MACROD2: variants seen among roughly 807,000 people sequenced by gnomAD.
MACROD2 encodes ADP-ribose glycohydrolase MACROD2.
MACROD2 carries 36 observed loss-of-function variants against 70.4 expected under a neutral mutation model. The observed-to-expected ratio is 0.51, with a 90% CI of 0.39 to 0.68. The LOEUF (loss-of-function observed/expected upper bound fraction) is 0.68. MACROD2 is among the 30% of genes least tolerant of loss of function. MACROD2 has a pLI of 0.00. For synonymous variants in MACROD2, 172 were observed against 178.8 expected, an observed-to-expected ratio of 0.96 and a Z score of 0.30; for missense variants, 496 against 538.4, an observed-to-expected ratio of 0.92 and a Z score of 0.78.
chr20:14,574,996 C>A, intron 4 of MACROD2, among the ~76,000 whole-genome samples: 1 of 115,708 alleles, frequency 8.6e-6, no homozygotes, highest in Non-Finnish European at 1.6e-5. Flanking sequence ...CCGGCCTGGG[C>A]GACAGAGCGA....
chr20:15,972,979 A>G (rs2066253535), intron 13 of MACROD2, among the ~76,000 whole-genome samples: 1 of 152,082 alleles, frequency 6.6e-6, no homozygotes, highest in African/African-American at 2.4e-5. Flanking sequence ...AAGCAGGAAA[A>G]AAATTAACAT....
chr20:14,228,386 G>A (rs1249288225), intron 3 of MACROD2, among the ~76,000 whole-genome samples: 1 of 148,226 alleles, frequency 6.7e-6, no homozygotes, highest in Non-Finnish European at 1.5e-5. Context: ...CACCCAGGCT[G>A]GAGTGCAGTG....
chr20:15,134,624 C>T (rs2076132486), intron 5 of MACROD2, among the ~76,000 whole-genome samples: 2 of 151,822 alleles, frequency 1.3e-5, no homozygotes, highest in South Asian at 4.2e-4. Flanking sequence ...AGGAAAGATC[C>T]AAAATTAACA....
intron 8 of MACROD2, among the ~76,000 whole-genome samples, chr20:15,776,972 C>T (rs1331803702): frequency 2.6e-5 from 4 of 152,052 alleles, no homozygotes; most frequent in Non-Finnish European, 5.9e-5. Context: ...GGAAAAGAAG[C>T]CTCTTTAGTA....
At chr20:15,409,630 A>T (rs1440429532) in intron 6 of MACROD2, among the ~76,000 whole-genome samples, 1 of 152,178 alleles carries the variant, frequency 6.6e-6, no homozygotes, top group Non-Finnish European at 1.5e-5. Context: ...GGATGCACTG[A>T]TAGGAAAATG....
intron 4 of MACROD2, among the ~76,000 whole-genome samples, chr20:14,536,148 C>G (rs2423806): frequency 0.84 from 127,209 of 152,126 alleles, 53,381 homozygotes; most frequent in African/African-American, 0.89. Context: ...GAACTTTCCC[C>G]TGATACCCAA....
intron 4 of MACROD2, among the ~76,000 whole-genome samples, chr20:14,648,755 G>C (rs1034678546): frequency 6.6e-6 from 1 of 151,602 alleles, no homozygotes; most frequent in African/African-American, 2.4e-5. Context: ...TATTCAGTTG[G>C]GTCTTATTAA....
At chr20:15,983,992 G>C (rs2066439543) in intron 13 of MACROD2, among the ~76,000 whole-genome samples, 1 of 152,014 alleles carries the variant, frequency 6.6e-6, no homozygotes, top group Non-Finnish European at 1.5e-5. Context: ...GATTTTTATA[G>C]TAGATAAGTT....
Position 15,006,762 on chromosome 20 carries a change from T to C in MACROD2, c.419-223178T>C, listed in dbSNP as rs1341962071. Among the ~76,000 whole-genome samples the C allele has an allele frequency of 3.9e-5, 6 of 152,236 alleles. No individual in the cohort carries two copies. In the East Asian group the frequency reaches 9.7e-4, roughly 25 times the overall value. Reference sequence around the variant, plus strand: ...AGAGGAGCGGGTCTTCCATTCTTCCTGTACAATGTCTGCTGTTGGGTCACT... The same window carrying C: ...AGAGGAGCGGGTCTTCCATTCTTCCCGTACAATGTCTGCTGTTGGGTCACT... On this transcript the variant is annotated intron_variant, in intron 5 of 17. Transcript: ENST00000684519.
chr20:14,605,160 T>A (rs1162409038), intron 4 of MACROD2, among the ~76,000 whole-genome samples: 2 of 152,196 alleles, frequency 1.3e-5, no homozygotes, highest in East Asian at 3.9e-4. Context: ...CTGGTGCTGT[T>A]GTAACAAAGT....
chr20:14,330,542 A>G lies in MACROD2; in HGVS notation c.272-162937A>G, dbSNP rs1035595669. ...TTTGTGTTTCTGGTTCTCTCCAAAAATTCAGTTTCTTTTAGTTTGCTAACT... is the reference window on the plus strand; with the variant it reads ...TTTGTGTTTCTGGTTCTCTCCAAAAGTTCAGTTTCTTTTAGTTTGCTAACT... On this transcript the variant is annotated intron_variant, in intron 3 of 17. Coordinates refer to ENST00000684519, the MANE Select transcript of MACROD2 (RefSeq NM_001351661.2). Among the ~76,000 whole-genome samples, 9 of 152,122 alleles carry G rather than the reference A, an allele frequency of 5.9e-5. 1 individual carries two copies. The highest frequency in any genetic ancestry group is 1.9e-4 in the African/African-American group (8 of 41,452).
intron 5 of MACROD2, among the ~76,000 whole-genome samples, chr20:14,846,484 G>C (rs2064786): frequency 6.6e-6 from 1 of 151,096 alleles, no homozygotes; most frequent in South Asian, 2.1e-4. Flanking sequence ...ATATAAGGTA[G>C]ACTTTACACT....
intron 13 of MACROD2, among the ~76,000 whole-genome samples, chr20:15,974,304 C>T (rs2066273631): frequency 6.6e-6 from 1 of 151,988 alleles, no homozygotes. Context: ...TATAAAAATA[C>T]TAGAGTAAAA....
chr20:14,615,903 C>T (rs1983451795), intron 4 of MACROD2, among the ~76,000 whole-genome samples: 1 of 151,146 alleles, frequency 6.6e-6, no homozygotes, highest in Admixed American at 6.6e-5. Context: ...ACAGGTATGA[C>T]AGCAGACAAA....
At chr20:15,213,008 C>A (rs2076777522) in intron 5 of MACROD2, among the ~76,000 whole-genome samples, 1 of 152,178 alleles carries the variant, frequency 6.6e-6, no homozygotes, top group Admixed American at 6.5e-5. Context: ...CTGACCAAGA[C>A]TTTTAAGGAG....
rs2082029362 is a variant in MACROD2 at position 14,253,617 on chromosome 20, A to T, written c.271+167889A>T. 2.0e-5 allele frequency among the ~76,000 whole-genome samples: 3 copies of T among 152,080 alleles called. No individual in the cohort carries two copies. The South Asian group carries it at 6.2e-4, about 31-fold the overall frequency. ...TGTTATTACCTCCAAGCCTGTTCTTATTCTCTACACTTCCTTGCAATTGAA... is the reference window on the plus strand; with the variant it reads ...TGTTATTACCTCCAAGCCTGTTCTTTTTCTCTACACTTCCTTGCAATTGAA... On this transcript the variant is annotated intron_variant, in intron 3 of 17. Coordinates refer to ENST00000684519, the MANE Select transcript of MACROD2 (RefSeq NM_001351661.2).
chr20:14,298,618 G>C (rs1374552773), intron 3 of MACROD2, among the ~76,000 whole-genome samples: 1 of 150,682 alleles, frequency 6.6e-6, no homozygotes, highest in African/African-American at 2.5e-5. Context: ...TGCTGCCATA[G>C]ATAGTGTTTC....
chr20:14,821,416 C>T (rs984035068), intron 5 of MACROD2, among the ~76,000 whole-genome samples: 1 of 151,770 alleles, frequency 6.6e-6, no homozygotes, highest in African/African-American at 2.4e-5. Context: ...GGAGAGCTTA[C>T]CAAAAAAAAT....
chr20:15,571,842 CTAAAAA>C (rs1419896150), intron 8 of MACROD2, among the ~76,000 whole-genome samples: 6 of 152,104 alleles, frequency 3.9e-5, no homozygotes, highest in African/African-American at 1.2e-4. Flanking sequence ...CTCTTGAAGA[CTAAAAA>C]TAAACATGTC....
Sources: allele counts gnomAD v4.1 joint callset (sites outside exome capture counted in the v4.1 genomes callset), GRCh38; gene constraint gnomAD v4.1.1; transcripts MANE v1.5; gene names NCBI Gene and HGNC (gene_info 2026-07-23, HGNC 2026-07-21).